Variants in PCDH9 observed in about 807,000 individuals in gnomAD.
The protein encoded by PCDH9 is protocadherin 9, also known as protocadherin-9.
PCDH9 carries 24 observed loss-of-function variants against 70.6 expected under a neutral mutation model. The observed-to-expected ratio is 0.34, with a 90% CI of 0.25 to 0.48. The LOEUF is 0.48. PCDH9 is among the 20% of genes least tolerant of loss of function. The probability of loss-of-function intolerance (pLI) is 0.99; values close to 1 mark genes in which losing one functional copy is unlikely to be tolerated. For missense variants in PCDH9, 1,281 were observed against 1,503.6 expected (o/e 0.85, Z 2.45); for synonymous variants, 562 against 558.5 (o/e 1.01, Z -0.09).
At chr13:66,854,648 T>C (rs1008381610) in intron 3 of PCDH9, among the ~76,000 whole-genome samples, 2 of 152,122 alleles carry the variant, frequency 1.3e-5, no homozygotes, top group Non-Finnish European at 2.9e-5. Flanking sequence ...GTTTTTGCTT[T>C]TGTTGGTGAT....
intron 4 of PCDH9, among the ~76,000 whole-genome samples, chr13:66,310,737 A>G (rs866540512): frequency 4.6e-4 from 70 of 152,158 alleles, no homozygotes; most frequent in African/African-American, 1.5e-3. Context: ...GACTGCCAAA[A>G]TTGGTTTGTA....
chr13:66,941,711 T>G (rs1374569423), intron 2 of PCDH9, among the ~76,000 whole-genome samples: 1 of 151,924 alleles, frequency 6.6e-6, no homozygotes, highest in Non-Finnish European at 1.5e-5. Context: ...CCTAAACATG[T>G]ATGCACCAAC....
intron 3 of PCDH9, among the ~76,000 whole-genome samples, chr13:66,821,078 AT>A (rs1374383813): frequency 6.6e-6 from 1 of 152,198 alleles, no homozygotes; most frequent in African/African-American, 2.4e-5. Flanking sequence ...TATAGAGCAG[AT>A]TCAAATTGCA....
intron 3 of PCDH9, among the ~76,000 whole-genome samples, chr13:66,689,022 T>C (rs1269757412): frequency 6.6e-6 from 1 of 152,170 alleles, no homozygotes; most frequent in Non-Finnish European, 1.5e-5. Flanking sequence ...ATAGATTCAA[T>C]ACACAGGTGT....
intron 4 of PCDH9, among the ~76,000 whole-genome samples, chr13:66,349,267 G>T (rs748894076): frequency 1.3e-5 from 2 of 152,144 alleles, no homozygotes; most frequent in African/African-American, 2.4e-5. Context: ...ATGAGGGCAT[G>T]CCTTGGTTGT....
intron 2 of PCDH9, among the ~76,000 whole-genome samples, chr13:67,155,547 A>G (rs2087787776): frequency 6.6e-6 from 1 of 152,182 alleles, no homozygotes; most frequent in South Asian, 2.1e-4. Context: ...AAGGGAGCAT[A>G]TGTTAGATGC....
intron 4 of PCDH9, among the ~76,000 whole-genome samples, chr13:66,367,044 T>G (rs1402296611): frequency 6.6e-6 from 1 of 152,162 alleles, no homozygotes. Flanking sequence ...TAAAATAATC[T>G]TCACAGCTTT....
In PCDH9 at chr13:67,108,070, C is replaced by T. The variant is rs891983134; in HGVS notation, c.3036+117335G>A. On this transcript the variant is annotated intron_variant, in intron 2 of 4. Transcript: ENST00000377865. ...ACAGCAGCCAGAATGCCTGGCTATG[C>T]ACAGTGGCCAGACCCTGTGCTCAGT... is the stretch of plus-strand genomic sequence containing the variant. 2.0e-5 allele frequency among the ~76,000 whole-genome samples: 3 copies of T among 152,218 alleles called. No individual in the cohort carries two copies. The East Asian group carries it at 5.8e-4, about 29-fold the overall frequency.
intron 3 of PCDH9, among the ~76,000 whole-genome samples, chr13:66,697,332 C>A (rs943216838): frequency 6.6e-6 from 1 of 151,992 alleles, no homozygotes; most frequent in Non-Finnish European, 1.5e-5. Flanking sequence ...TTGTCCACCT[C>A]TCATATCAAA....
intron 2 of PCDH9, among the ~76,000 whole-genome samples, chr13:67,058,026 A>G (rs185058236): frequency 1.3e-5 from 2 of 152,282 alleles, no homozygotes; most frequent in Admixed American, 1.3e-4. Flanking sequence ...CAGTGTGCCT[A>G]AACAATAGCT....
chr13:66,569,175 T>C (rs9646058), intron 4 of PCDH9, among the ~76,000 whole-genome samples: 1 of 150,570 alleles, frequency 6.6e-6, no homozygotes. Context: ...CTAATTTTTG[T>C]ATTTTATTTT....
intron 4 of PCDH9, among the ~76,000 whole-genome samples, chr13:66,395,399 G>A (rs768728236): frequency 1.4e-4 from 21 of 151,978 alleles, no homozygotes; most frequent in Non-Finnish European, 2.6e-4. Context: ...TCAGGAGTTC[G>A]AGACCAGCCT....
chr13:66,626,479 C>T (rs932983634), intron 4 of PCDH9, among the ~76,000 whole-genome samples: 1 of 152,176 alleles, frequency 6.6e-6, no homozygotes, highest in Non-Finnish European at 1.5e-5. Context: ...AAGGCAGTCT[C>T]ATTTGAGACC....
intron 2 of PCDH9, among the ~76,000 whole-genome samples, chr13:66,950,953 T>C (rs2083169519): frequency 8.0e-6 from 1 of 125,268 alleles, no homozygotes; most frequent in African/African-American, 3.5e-5. Context: ...ATTTAACCCT[T>C]GGCTTATAAG....
chr13:67,112,575 C>T (rs1186233070), intron 2 of PCDH9, among the ~76,000 whole-genome samples: 1 of 152,136 alleles, frequency 6.6e-6, no homozygotes, highest in Non-Finnish European at 1.5e-5. Flanking sequence ...ATATGTGAAG[C>T]TACACAATTT....
At chr13:67,163,420 A>T (rs909954964) in intron 2 of PCDH9, among the ~76,000 whole-genome samples, 27 of 152,368 alleles carry the variant, frequency 1.8e-4, no homozygotes, top group South Asian at 1.2e-3. Context: ...TAAAATTGTC[A>T]AAAATATATG....
intron 4 of PCDH9, among the ~76,000 whole-genome samples, chr13:66,522,928 A>G (rs995278304): frequency 1.3e-5 from 2 of 152,126 alleles, no homozygotes; most frequent in African/African-American, 2.4e-5. Flanking sequence ...GGAAACTGAC[A>G]CAATATCTTA....
chr13:66,572,643 G>A (rs1006388569), intron 4 of PCDH9, among the ~76,000 whole-genome samples: 6 of 152,046 alleles, frequency 3.9e-5, no homozygotes, highest in African/African-American at 1.4e-4. Context: ...TGTGTATCTT[G>A]GCTACTGTGA....
chr13:67,069,909 C>T (rs1379543503), intron 2 of PCDH9, among the ~76,000 whole-genome samples: 1 of 151,872 alleles, frequency 6.6e-6, no homozygotes, highest in Non-Finnish European at 1.5e-5. Flanking sequence ...ATCATTCATC[C>T]TTTGTGTCAC....
Sources: allele counts gnomAD v4.1 joint callset (sites outside exome capture counted in the v4.1 genomes callset), GRCh38; gene constraint gnomAD v4.1.1; transcripts MANE v1.5; gene names NCBI Gene and HGNC (gene_info 2026-07-23, HGNC 2026-07-21).